NOX4: variants seen among roughly 807,000 people sequenced by gnomAD.
NOX4 encodes NADPH oxidase 4, also known as kidney oxidase-1.
Under a neutral mutation model 87.6 loss-of-function variants are expected in NOX4, and 69 were observed. The observed-to-expected ratio is 0.79, with a 90% CI of 0.65 to 0.96. The LOEUF (loss-of-function observed/expected upper bound fraction) is 0.96, where lower values mean the gene tolerates loss of function less well. NOX4 is among the 40% of genes least tolerant of loss of function. The probability of loss-of-function intolerance (pLI) is 0.00; values close to 1 mark genes in which losing one functional copy is unlikely to be tolerated. For synonymous variants in NOX4, 275 were observed against 238.2 expected (o/e 1.15, Z -1.42); for missense variants, 680 against 681.5 (o/e 1.00, Z 0.02).
chr11:89,359,379 A>ATTTT (rs33949541), intron 12 of NOX4, among the ~76,000 whole-genome samples: 4 of 128,732 alleles, frequency 3.1e-5, no homozygotes, highest in African/African-American at 1.2e-4. Context: ...AGCAGTAGGC[A>ATTTT]TTTTTTTTTT....
At chr11:89,423,185 C>T (rs1260257246) in intron 7 of NOX4, among the ~76,000 whole-genome samples, 1 of 152,058 alleles carries the variant, frequency 6.6e-6, no homozygotes, top group Non-Finnish European at 1.5e-5. Flanking sequence ...TACACGCTGC[C>T]AATTGCCCTC....
At chr11:89,440,421 G>C (rs530653646) in intron 6 of NOX4, among the ~76,000 whole-genome samples, 1 of 152,080 alleles carries the variant, frequency 6.6e-6, no homozygotes, top group Non-Finnish European at 1.5e-5. Context: ...CTGGGTTCAA[G>C]TGATTCTCCT....
the NOX4 span, among the ~76,000 whole-genome samples, chr11:89,526,080 T>C: frequency 6.6e-6 from 1 of 152,198 alleles, no homozygotes; most frequent in Admixed American, 6.5e-5. Context: ...CAATAACACA[T>C]TGTCATAACT....
chr11:89,493,721 T>TTTTTTA (rs372046431), upstream of NOX4, among the ~76,000 whole-genome samples: 20,409 of 142,062 alleles, frequency 0.14, 1,804 homozygotes, highest in Non-Finnish European at 0.2. Flanking sequence ...GCCAGATTGT[T>TTTTTTA]TTATTATTAT....
intron 7 of NOX4, among the ~76,000 whole-genome samples, chr11:89,424,157 G>C (rs1426777946): frequency 6.6e-6 from 1 of 151,752 alleles, no homozygotes; most frequent in East Asian, 1.9e-4. Context: ...ATTTCTCTTA[G>C]TGAACATATA....
At chr11:89,429,884 T>G (rs911780637) in intron 7 of NOX4, among the ~76,000 whole-genome samples, 2 of 152,164 alleles carry the variant, frequency 1.3e-5, no homozygotes, top group Non-Finnish European at 2.9e-5. Context: ...TACCAAAGCC[T>G]GGCAGAGACA....
intron 11 of NOX4, among the ~76,000 whole-genome samples, chr11:89,398,619 T>C (rs1208855373): frequency 2.0e-5 from 3 of 151,020 alleles, no homozygotes; most frequent in Admixed American, 6.6e-5. Flanking sequence ...GATGTATAGA[T>C]GCAGACAGAT....
At chr11:89,430,293 C>T (rs1184833521) in intron 7 of NOX4, among the ~76,000 whole-genome samples, 2 of 152,140 alleles carry the variant, frequency 1.3e-5, no homozygotes, top group Admixed American at 1.3e-4. Context: ...AAAACTGGCA[C>T]AAGACAGGGA....
the NOX4 span, among the ~76,000 whole-genome samples, chr11:89,558,754 C>T: frequency 6.6e-6 from 1 of 152,056 alleles, no homozygotes; most frequent in Admixed American, 6.6e-5. Context: ...AGTTTGCATT[C>T]CTTTCTTCAA....
At chr11:89,540,919 A>C in the NOX4 span, among the ~76,000 whole-genome samples, 1 of 150,886 alleles carries the variant, frequency 6.6e-6, no homozygotes, top group African/African-American at 2.4e-5. Context: ...TCTATTGTTT[A>C]ACAAACAGAA....
Position 89,325,785 on chromosome 11 carries a change from C to T in NOX4, c.*971G>A, listed in dbSNP as rs955998239. On this transcript the variant is annotated 3_prime_UTR_variant, in exon 18 of 18. Transcript: ENST00000263317. Reference sequence around the variant, plus strand: ...TCAAAGTGCAAATTAACTAACTATCCTTAGAGGCTACAGCCTAAGACAAAC... The same window carrying T: ...TCAAAGTGCAAATTAACTAACTATCTTTAGAGGCTACAGCCTAAGACAAAC... 1.3e-5 allele frequency: 2 copies of T among 151,172 alleles called. No homozygotes were observed. The highest frequency in any genetic ancestry group is 6.6e-5 in the Admixed American group (1 of 15,136). 9.4% of individuals were successfully genotyped at this position (151,172 alleles called of 1,614,324 possible). A position where few individuals can be genotyped will look rare whatever the true frequency, so the allele number is the denominator to read the frequency against.
chr11:89,341,417 C>T (rs1421096070), intron 14 of NOX4, among the ~76,000 whole-genome samples: 2 of 152,058 alleles, frequency 1.3e-5, no homozygotes, highest in Admixed American at 6.5e-5. Context: ...GCCAATGTGC[C>T]CGGCCACAAT....
chr11:89,428,806 C>T (rs1157742647), intron 7 of NOX4, among the ~76,000 whole-genome samples: 14 of 152,096 alleles, frequency 9.2e-5, no homozygotes, highest in African/African-American at 3.1e-4. Context: ...GACAGATCAA[C>T]GAGACAGAAA....
chr11:89,326,109 G>T lies in NOX4; in HGVS notation c.*647C>A, dbSNP rs1945212098. 1 of 151,116 alleles carries T rather than the reference G, an allele frequency of 6.6e-6. No homozygotes were observed. The highest frequency in any genetic ancestry group is 2.4e-5 in the African/African-American group (1 of 41,210). The allele number at this position is 151,116 out of a possible 1,614,324, so 9.4% of individuals were successfully genotyped here. A position where few individuals can be genotyped will look rare whatever the true frequency, so the allele number is the denominator to read the frequency against. On this transcript the variant is annotated 3_prime_UTR_variant, in exon 18 of 18. Coordinates refer to ENST00000263317, the MANE Select transcript of NOX4 (RefSeq NM_016931.5). ...ATTTCCCTAGAGAGAGGAATAAAAA[G>T]AAAAAAATATATAAAAATAGATACT...
At chr11:89,337,953 T>C (rs1053217062) in intron 15 of NOX4, among the ~76,000 whole-genome samples, 2 of 152,008 alleles carry the variant, frequency 1.3e-5, no homozygotes, top group Non-Finnish European at 2.9e-5. Flanking sequence ...ACAAAACAAA[T>C]AGACACTTTT....
intron 15 of NOX4, among the ~76,000 whole-genome samples, chr11:89,337,891 T>C (rs1253588336): frequency 6.6e-6 from 1 of 152,018 alleles, no homozygotes; most frequent in Non-Finnish European, 1.5e-5. Flanking sequence ...CATGATTTTC[T>C]TGAGAAAAAA....
intron 8 of NOX4, among the ~76,000 whole-genome samples, chr11:89,414,313 T>G (rs1266653148): frequency 6.6e-6 from 1 of 152,058 alleles, no homozygotes; most frequent in Non-Finnish European, 1.5e-5. Context: ...CCCACACATT[T>G]GAATAATAAC....
intron 15 of NOX4, among the ~76,000 whole-genome samples, chr11:89,338,740 GA>G (rs953811904): frequency 1.3e-5 from 2 of 152,146 alleles, no homozygotes; most frequent in African/African-American, 2.4e-5. Context: ...TCTCTACCTT[GA>G]TTTTTTTTCT....
At chr11:89,448,450 T>C (rs1168753636) in intron 4 of NOX4, among the ~76,000 whole-genome samples, 2 of 152,228 alleles carry the variant, frequency 1.3e-5, no homozygotes, top group African/African-American at 4.8e-5. Flanking sequence ...CTTTATTTCT[T>C]AATTTGGAAA....
Sources: gnomAD v4.1 joint callset for allele counts (sites outside exome capture counted in the v4.1 genomes callset) on GRCh38, gnomAD v4.1.1 for gene constraint, MANE v1.5 for transcripts, NCBI Gene and HGNC (gene_info 2026-07-23, HGNC 2026-07-21) for gene names.